Variants in TMEM182 observed in about 807,000 individuals in gnomAD.
The protein encoded by TMEM182 is transmembrane protein 182.
A neutral mutation model predicts 26.8 loss-of-function variants in TMEM182; 20 were observed. The observed-to-expected ratio is 0.75, with a 90% CI of 0.53 to 1.09. The LOEUF (loss-of-function observed/expected upper bound fraction) is 1.09, where lower values mean the gene tolerates loss of function less well. TMEM182 is among the 50% of genes least tolerant of loss of function. The probability of loss-of-function intolerance (pLI) is 0.00; values close to 1 mark genes in which losing one functional copy is unlikely to be tolerated. For missense variants in TMEM182, 277 were observed against 275.5 expected (o/e 1.01, Z -0.04); for synonymous variants, 109 against 102.2 (o/e 1.07, Z -0.40).
chr2:102,818,970 C>T (rs1287968405), downstream of TMEM182, among the ~76,000 whole-genome samples: 1 of 152,082 alleles, frequency 6.6e-6, no homozygotes, highest in African/African-American at 2.4e-5. Context: ...TAATTGGCAT[C>T]CTGCACGGAT....
At chr2:102,741,572 C>T (rs1047287485) in intron 1 of TMEM182, among the ~76,000 whole-genome samples, 2 of 152,098 alleles carry the variant, frequency 1.3e-5, no homozygotes, top group Non-Finnish European at 2.9e-5. Flanking sequence ...CTCGAGTCTC[C>T]TCTATCTTTG....
rs1682215240 is a variant in TMEM182 at position 102,803,124 on chromosome 2, C to T, written c.469+5124C>T. ...AGCAAAGGGTATCTTTGCAGTGTAGCTTAGTCCCTTGAAACACCACAGAGG... is the reference window on the plus strand; with the variant it reads ...AGCAAAGGGTATCTTTGCAGTGTAGTTTAGTCCCTTGAAACACCACAGAGG... On this transcript the variant is annotated intron_variant, in intron 4 of 4. Coordinates refer to ENST00000412401, the MANE Select transcript of TMEM182 (RefSeq NM_144632.5). 2.0e-5 allele frequency among the ~76,000 whole-genome samples: 3 copies of T among 152,160 alleles called. No individual in the cohort carries two copies. The South Asian group carries it at 6.2e-4, about 32-fold the overall frequency.
intron 3 of TMEM182, chr2:102,797,653 G>C (rs995174150): frequency 3.8e-5 from 20 of 529,628 alleles, no homozygotes; most frequent in Non-Finnish European, 6.2e-5. Flanking sequence ...AAGAGGAGTT[G>C]ATTGAAGGTC....
chr2:102,772,247 A>C (rs1336848588), intron 3 of TMEM182, among the ~76,000 whole-genome samples: 2 of 152,194 alleles, frequency 1.3e-5, no homozygotes, highest in Middle Eastern at 3.2e-3. Flanking sequence ...GGGAAAAGCA[A>C]TTATTGAGTG....
chr2:102,782,858 G>A (rs1440276975), intron 3 of TMEM182, among the ~76,000 whole-genome samples: 1 of 152,104 alleles, frequency 6.6e-6, no homozygotes, highest in Non-Finnish European at 1.5e-5. Context: ...CAAGTTTGGG[G>A]ACATGGGGAT....
chr2:102,802,481 C>T (rs1029542683), intron 4 of TMEM182, among the ~76,000 whole-genome samples: 2 of 152,188 alleles, frequency 1.3e-5, no homozygotes, highest in African/African-American at 4.8e-5. Flanking sequence ...TGACCCTCAG[C>T]CTGTGTTTCA....
At chr2:102,765,687 C>A (rs568107782) in intron 3 of TMEM182, among the ~76,000 whole-genome samples, 1 of 152,130 alleles carries the variant, frequency 6.6e-6, no homozygotes, top group East Asian at 1.9e-4. Flanking sequence ...GCTTGTATTA[C>A]ATCATTAATA....
At chr2:102,833,551 T>G (rs1315696118) in intron 3 of TMEM182, among the ~76,000 whole-genome samples, 2 of 152,148 alleles carry the variant, frequency 1.3e-5, no homozygotes, top group Non-Finnish European at 2.9e-5. Context: ...ATGGTTCAAC[T>G]CTCAAAACTA....
At chr2:102,800,335 A>G (rs1573550049) in intron 4 of TMEM182, among the ~76,000 whole-genome samples, 1 of 152,300 alleles carries the variant, frequency 6.6e-6, no homozygotes, top group Middle Eastern at 3.4e-3. Flanking sequence ...TCTACTTTCT[A>G]TCTGTATGGG....
chr2:102,788,285 T>C (rs1443288328), intron 3 of TMEM182, among the ~76,000 whole-genome samples: 2 of 152,170 alleles, frequency 1.3e-5, no homozygotes, highest in Admixed American at 6.5e-5. Context: ...ATGGGTGTTA[T>C]GTTTTGGCTC....
chr2:102,765,722 G>A (rs983801776), intron 3 of TMEM182, among the ~76,000 whole-genome samples: 1 of 152,170 alleles, frequency 6.6e-6, no homozygotes, highest in Non-Finnish European at 1.5e-5. Context: ...AGGGTATGAG[G>A]TCTGGATAGG....
intron 3 of TMEM182, among the ~76,000 whole-genome samples, chr2:102,785,498 G>T (rs1042067836): frequency 1.3e-5 from 2 of 152,150 alleles, no homozygotes; most frequent in African/African-American, 4.8e-5. Context: ...TCACCAATAA[G>T]TGCTCTCCTA....
intron 4 of TMEM182, among the ~76,000 whole-genome samples, chr2:102,808,826 A>G (rs999016258): frequency 1.3e-5 from 2 of 152,208 alleles, no homozygotes; most frequent in Non-Finnish European, 2.9e-5. Context: ...AAACATTCCC[A>G]AACAAAAGAC....
intron 4 of TMEM182, among the ~76,000 whole-genome samples, chr2:102,808,296 C>T (rs1682422049): frequency 6.6e-6 from 1 of 152,074 alleles, no homozygotes; most frequent in South Asian, 2.1e-4. Flanking sequence ...TTCAGCTTTC[C>T]AATCTCCTAC....
intron 3 of TMEM182, among the ~76,000 whole-genome samples, chr2:102,791,717 A>ATCTTGCT (rs1681647528): frequency 1.3e-5 from 2 of 152,212 alleles, no homozygotes; most frequent in South Asian, 4.1e-4. Flanking sequence ...TCCATTGTAA[A>ATCTTGCT]TCTTGCTTCA....
intron 3 of TMEM182, among the ~76,000 whole-genome samples, chr2:102,774,397 A>AGG (rs1680820934): frequency 6.6e-6 from 1 of 151,156 alleles, no homozygotes; most frequent in South Asian, 2.1e-4. Flanking sequence ...CCGGGATTAC[A>AGG]GGTGCATGCC....
At chr2:102,806,091 T>C (rs1682333591) in intron 4 of TMEM182, among the ~76,000 whole-genome samples, 2 of 152,294 alleles carry the variant, frequency 1.3e-5, no homozygotes, top group South Asian at 4.1e-4. Context: ...TTGAAAACCA[T>C]CCTATCCCCC....
chr2:102,770,957 A>C (rs903717848), intron 3 of TMEM182, among the ~76,000 whole-genome samples: 1 of 152,218 alleles, frequency 6.6e-6, no homozygotes, highest in African/African-American at 2.4e-5. Context: ...TAGGAGGCAC[A>C]TCAACCTGTT....
At position 102,762,183 on chromosome 2, in the gene TMEM182, C is replaced by A; in HGVS notation, c.-35C>A. 3 of 1,431,446 alleles carry A rather than the reference C, an allele frequency of 2.1e-6. No homozygotes were observed. Among genetic ancestry groups the A allele is most frequent in the African/African-American group, 1.5e-5 (1 of 67,220 alleles). The allele number at this position is 1,431,446 out of a possible 1,614,324, so 88.7% of individuals were successfully genotyped here. A position where few individuals can be genotyped will look rare whatever the true frequency, so the allele number is the denominator to read the frequency against. ...TAGGTGTCTTACCATTTTAAAATTT[C>A]ATATTTTATTTAAAAGGAAACCAGT... On this transcript the variant is annotated 5_prime_UTR_variant, in exon 1 of 5. Coordinates refer to ENST00000412401, the MANE Select transcript of TMEM182 (RefSeq NM_144632.5).
Sources: gnomAD v4.1 joint callset for allele counts (sites outside exome capture counted in the v4.1 genomes callset) on GRCh38, gnomAD v4.1.1 for gene constraint, MANE v1.5 for transcripts, NCBI Gene and HGNC (gene_info 2026-07-23, HGNC 2026-07-21) for gene names.